CRYL1: variants seen among roughly 807,000 people sequenced by gnomAD.
CRYL1 encodes the protein crystallin lambda 1, also known as lambda-crystallin homolog.
CRYL1 carries 29 observed loss-of-function variants against 36.6 expected under a neutral mutation model. The ratio of observed to expected loss-of-function variants is 0.79; its 90% CI spans 0.59 to 1.08. The LOEUF is 1.08. CRYL1 is among the 50% of genes least tolerant of loss of function. The pLI, the probability that CRYL1 is intolerant of heterozygous loss-of-function variation, is 0.00. For synonymous variants in CRYL1, 152 were observed against 151.5 expected (o/e 1.00, Z -0.02); for missense variants, 411 against 407.9 (o/e 1.01, Z -0.06).
chr13:20,466,433 T>A (rs1177634555), intron 3 of CRYL1, among the ~76,000 whole-genome samples: 1 of 152,238 alleles, frequency 6.6e-6, no homozygotes, highest in South Asian at 2.1e-4. Flanking sequence ...AGAGTTGTTA[T>A]AAATCAGTGA....
At position 20,427,005 on chromosome 13, in the gene CRYL1, C is replaced by T. The variant is rs995407554; in HGVS notation, c.633+5097G>A. ...CCAACTCACACCAGCAGGCTGAGAA[C>T]CTGCCGAGGGTTGCAGATTCATTCC... On this transcript the variant is annotated intron_variant, in intron 5 of 7. Coordinates refer to ENST00000298248, the MANE Select transcript of CRYL1 (RefSeq NM_015974.3). The T allele has an allele frequency of 2.7e-5, 27 of 985,560 alleles. No homozygotes were observed. In the African/African-American group the frequency reaches 4.5e-4, roughly 17 times the overall value. The allele number at this position is 985,560 out of a possible 1,614,324, so 61.1% of individuals were successfully genotyped here.
intron 3 of CRYL1, among the ~76,000 whole-genome samples, chr13:20,458,680 C>T (rs1232788269): frequency 6.6e-6 from 1 of 152,140 alleles, no homozygotes; most frequent in Non-Finnish European, 1.5e-5. Flanking sequence ...CACCTGACAA[C>T]ACATCTCAGC....
intron 5 of CRYL1, among the ~76,000 whole-genome samples, chr13:20,423,522 T>C (rs1321285393): frequency 2.6e-5 from 4 of 152,202 alleles, no homozygotes; most frequent in Admixed American, 2.0e-4. Context: ...GAGATGATCA[T>C]ATGGTTGTCC....
At chr13:20,474,766 G>C (rs2033130397) in intron 3 of CRYL1, among the ~76,000 whole-genome samples, 1 of 152,102 alleles carries the variant, frequency 6.6e-6, no homozygotes, top group Non-Finnish European at 1.5e-5. Context: ...CTCAGCCAAT[G>C]ACCAGCCCAG....
At chr13:20,420,701 T>TTTTTTTTTTTTTTTGTGTGTGTGTGTG in intron 5 of CRYL1, among the ~76,000 whole-genome samples, 1 of 21,840 alleles carries the variant, frequency 4.6e-5, no homozygotes, top group Non-Finnish European at 1.4e-4. Flanking sequence ...AAAATAGAGG[T>TTTTTTTTTTTTTTTGTGTGTGTGTGTG]TGTGTGTGTG....
At chr13:20,471,142 C>T (rs947911191) in intron 3 of CRYL1, among the ~76,000 whole-genome samples, 5 of 151,918 alleles carry the variant, frequency 3.3e-5, no homozygotes, top group Admixed American at 1.3e-4. Flanking sequence ...TGTGTGTTAG[C>T]GTAAATTCAC....
intron 1 of CRYL1, among the ~76,000 whole-genome samples, chr13:20,522,372 C>T (rs1029858976): frequency 5.3e-5 from 8 of 151,778 alleles, no homozygotes; most frequent in South Asian, 2.1e-4. Flanking sequence ...AGTACAATCA[C>T]CCCAAACAAA....
chr13:20,498,506 T>C (rs138101064), intron 2 of CRYL1, among the ~76,000 whole-genome samples: 38 of 152,344 alleles, frequency 2.5e-4, no homozygotes, highest in African/African-American at 8.2e-4. Flanking sequence ...TCTTGGAGCA[T>C]TGATCTGCTC....
At chr13:20,479,517 G>T (rs7984258) in intron 3 of CRYL1, among the ~76,000 whole-genome samples, 152,080 of 152,320 alleles carry the variant, frequency 1, 75,921 homozygotes, top group East Asian at 1. Context: ...TTATTTTCTA[G>T]GTGATATTTG....
chr13:20,523,207 A>G (rs974581239), intron 1 of CRYL1, among the ~76,000 whole-genome samples: 3 of 151,960 alleles, frequency 2.0e-5, no homozygotes, highest in Non-Finnish European at 4.4e-5. Context: ...ATGAGCCACC[A>G]TGCCTGGACT....
intron 4 of CRYL1, among the ~76,000 whole-genome samples, chr13:20,436,079 G>C (rs1332912763): frequency 6.6e-6 from 1 of 152,220 alleles, no homozygotes; most frequent in African/African-American, 2.4e-5. Flanking sequence ...CAGGGCAGAT[G>C]ACTTCGGTGT....
At chr13:20,521,293 A>G (rs1024777467) in intron 1 of CRYL1, among the ~76,000 whole-genome samples, 2 of 152,200 alleles carry the variant, frequency 1.3e-5, no homozygotes, top group Non-Finnish European at 2.9e-5. Flanking sequence ...ATAAAGTCAC[A>G]GGGAAGGAAA....
chr13:20,501,585 T>C (rs1020597299), intron 2 of CRYL1, among the ~76,000 whole-genome samples: 3 of 152,190 alleles, frequency 2.0e-5, no homozygotes, highest in Admixed American at 6.5e-5. Context: ...TCTGAAGAGC[T>C]AAAGATGGGG....
At chr13:20,405,580 G>A (rs143678565) in intron 6 of CRYL1, among the ~76,000 whole-genome samples, 7 of 152,328 alleles carry the variant, frequency 4.6e-5, no homozygotes, top group Admixed American at 2.0e-4. Flanking sequence ...TTGAAACACC[G>A]GTTGGAGAGC....
intron 4 of CRYL1, among the ~76,000 whole-genome samples, chr13:20,437,736 A>G (rs2032262102): frequency 6.6e-6 from 1 of 152,200 alleles, no homozygotes; most frequent in Non-Finnish European, 1.5e-5. Context: ...AGGGAGAAGA[A>G]AGTGACTCAG....
chr13:20,414,462 G>A, intron 5 of CRYL1, among the ~76,000 whole-genome samples: 1 of 152,130 alleles, frequency 6.6e-6, no homozygotes, highest in East Asian at 1.9e-4. Flanking sequence ...AAAAGGACAT[G>A]AAGGATTTTC....
chr13:20,415,387 C>A lies in CRYL1; in HGVS notation c.634-2000G>T, dbSNP rs1224978705. On this transcript the variant is annotated intron_variant, in intron 5 of 7. Coordinates refer to ENST00000298248, the MANE Select transcript of CRYL1 (RefSeq NM_015974.3). This position sits in a 1 kb window ranked among gnomAD's most constrained non-coding sequence, Gnocchi z 4.1. Reference sequence around the variant, plus strand: ...CGAAACCCCCGCCGTGCCCCGCAACCGGCTGCGGCGGGCGACAGCCAGGTG... The same window carrying A: ...CGAAACCCCCGCCGTGCCCCGCAACAGGCTGCGGCGGGCGACAGCCAGGTG... Among the ~76,000 whole-genome samples the A allele has an allele frequency of 1.3e-5, 2 of 152,130 alleles. No individual in the cohort carries two copies. Among genetic ancestry groups the A allele is most frequent in the African/African-American group, 4.8e-5 (2 of 41,448 alleles).
At chr13:20,410,366 C>T (rs2031486694) in intron 6 of CRYL1, among the ~76,000 whole-genome samples, 1 of 134,506 alleles carries the variant, frequency 7.4e-6, no homozygotes, top group South Asian at 2.4e-4. Flanking sequence ...GGGAACATCA[C>T]ACTCTGGGGA....
At chr13:20,512,918 A>G (rs2033939888) in intron 1 of CRYL1, among the ~76,000 whole-genome samples, 1 of 152,226 alleles carries the variant, frequency 6.6e-6, no homozygotes. Context: ...AATGTGTTGT[A>G]TATTTCAGAA....
Sources: gnomAD v4.1 joint callset for allele counts (sites outside exome capture counted in the v4.1 genomes callset) on GRCh38, gnomAD v4.1.1 for gene constraint, Gnocchi (gnomAD v3.1) non-coding constraint, MANE v1.5 for transcripts, NCBI Gene and HGNC (gene_info 2026-07-23, HGNC 2026-07-21) for gene names.